GABRA3: variants seen among roughly 807,000 people sequenced by gnomAD.
GABRA3 encodes gamma-aminobutyric acid receptor subunit alpha-3.
A neutral mutation model predicts 30.1 loss-of-function variants in GABRA3; 10 were observed. The observed-to-expected ratio is 0.33, with a 90% CI of 0.20 to 0.56. The LOEUF is 0.56. Among genes scored for constraint, GABRA3 ranks in the 20% least tolerant of loss-of-function variants. The pLI is 0.89. For synonymous variants in GABRA3, 151 were observed against 146.8 expected, an observed-to-expected ratio of 1.03 and a Z score of -0.21; for missense variants, 233 against 392.0, an observed-to-expected ratio of 0.59 and a Z score of 3.42.
intron 3 of GABRA3, among the ~76,000 whole-genome samples, chrX:152,303,167 G>A (rs1163238287): frequency 8.9e-6 from 1 of 112,148 alleles, no homozygotes; most frequent in East Asian, 2.8e-4. Flanking sequence ...TCTTTCCACA[G>A]AGGCTGATTA....
intron 1 of GABRA3, among the ~76,000 whole-genome samples, chrX:152,398,055 G>A (rs930398151): frequency 9.0e-6 from 1 of 111,283 alleles, no homozygotes; most frequent in Admixed American, 9.6e-5. Flanking sequence ...TCTTCCCTCA[G>A]GATCAGACCA....
intron 4 of GABRA3, among the ~76,000 whole-genome samples, chrX:152,272,821 GT>G (rs1323004662): frequency 9.0e-6 from 1 of 111,333 alleles, no homozygotes; most frequent in Non-Finnish European, 1.9e-5. Flanking sequence ...AGATTTGATG[GT>G]TTTATAAGGG....
At chrX:152,329,638 A>G (rs975691089) in intron 3 of GABRA3, among the ~76,000 whole-genome samples, 1 of 112,169 alleles carries the variant, frequency 8.9e-6, no homozygotes, top group Non-Finnish European at 1.9e-5. Context: ...AAAACTGGCT[A>G]GCAATAAGTA....
chrX:152,282,619 A>C (rs1235757154), intron 4 of GABRA3, among the ~76,000 whole-genome samples: 1 of 111,651 alleles, frequency 9.0e-6, no homozygotes. Flanking sequence ...GCAAATTATA[A>C]CATGAAACTT....
At chrX:152,233,715 T>C (rs1378273945) in intron 5 of GABRA3, among the ~76,000 whole-genome samples, 2 of 105,701 alleles carry the variant, frequency 1.9e-5, no homozygotes, top group Non-Finnish European at 3.9e-5. Context: ...CAAAGGACTA[T>C]AAATCATGCT....
intron 1 of GABRA3, among the ~76,000 whole-genome samples, chrX:152,403,169 A>G (rs1929836221): frequency 1.8e-5 from 2 of 111,604 alleles, no homozygotes; most frequent in Non-Finnish European, 3.8e-5. Context: ...ATTTCTGGCC[A>G]ATGAATTAAG....
chrX:152,284,883 T>G, intron 3 of GABRA3, 148 bp from the exon 4 acceptor site: 3 of 333,546 alleles, frequency 9.0e-6, no homozygotes, highest in Admixed American at 4.8e-5. Context: ...GTGCTATCTC[T>G]TCACAGGGAA....
chrX:152,265,297 A>G (rs1938803955), intron 4 of GABRA3, among the ~76,000 whole-genome samples: 1 of 111,741 alleles, frequency 8.9e-6, no homozygotes, highest in African/African-American at 3.2e-5. Context: ...TATCAAGCCT[A>G]TTCTCTAACC....
chrX:152,198,479 C>G (rs1937417939), intron 7 of GABRA3, among the ~76,000 whole-genome samples: 1 of 112,466 alleles, frequency 8.9e-6, no homozygotes, highest in Admixed American at 9.4e-5. Context: ...ATCCTCCTAA[C>G]AGTTCTGTGA....
intron 2 of GABRA3, among the ~76,000 whole-genome samples, chrX:152,359,970 T>A: frequency 9.3e-6 from 1 of 107,355 alleles, no homozygotes; most frequent in Non-Finnish European, 1.9e-5. Context: ...TCCAATTTCA[T>A]CCATGTCCCT....
intron 9 of GABRA3, among the ~76,000 whole-genome samples, chrX:152,168,910 A>G (rs1343235298): frequency 8.9e-6 from 1 of 112,170 alleles, no homozygotes; most frequent in African/African-American, 3.2e-5. Context: ...AATCGCCAAT[A>G]AACTGTGGAA....
At chrX:152,261,878 C>T (rs891583682) in intron 4 of GABRA3, among the ~76,000 whole-genome samples, 2 of 112,772 alleles carry the variant, frequency 1.8e-5, no homozygotes, top group Non-Finnish European at 3.7e-5. Context: ...CCCTTCCACA[C>T]TGCCCTAGCA....
chrX:152,417,184 C>A (rs1223647109), intron 1 of GABRA3, among the ~76,000 whole-genome samples: 10 of 107,778 alleles, frequency 9.3e-5, no homozygotes, highest in South Asian at 4.2e-4. Context: ...TACAAGAAAA[C>A]AACAAACAAC....
At chrX:152,358,751 T>C (rs780973007) in intron 2 of GABRA3, among the ~76,000 whole-genome samples, 3 of 111,472 alleles carry the variant, frequency 2.7e-5, no homozygotes, top group East Asian at 5.7e-4. Flanking sequence ...CTTATACCTG[T>C]AGTCCTTCAT....
chrX:152,380,585 T>A (rs1929116907), intron 1 of GABRA3, among the ~76,000 whole-genome samples: 1 of 112,098 alleles, frequency 8.9e-6, no homozygotes, highest in Non-Finnish European at 1.9e-5. Flanking sequence ...CTCTTCAATA[T>A]ATTGATCTCC....
intron 4 of GABRA3, among the ~76,000 whole-genome samples, chrX:152,278,434 T>C (rs1455077799): frequency 1.8e-5 from 2 of 111,110 alleles, no homozygotes; most frequent in South Asian, 3.8e-4. Flanking sequence ...ACAAAGGACA[T>C]GAACTCATCA....
intron 3 of GABRA3, among the ~76,000 whole-genome samples, chrX:152,329,432 C>T (rs1262100863): frequency 8.9e-6 from 1 of 111,785 alleles, no homozygotes; most frequent in East Asian, 2.8e-4. Context: ...CATCATGCTA[C>T]CCGACTTCAA....
chrX:152,389,734 G>C (rs1030895278), intron 1 of GABRA3, among the ~76,000 whole-genome samples: 1 of 111,387 alleles, frequency 9.0e-6, no homozygotes, highest in East Asian at 2.8e-4. Context: ...AGATGATATA[G>C]AAGGAGACAA....
chrX:152,346,309 C>T (rs1480313226), intron 2 of GABRA3, among the ~76,000 whole-genome samples: 1 of 111,419 alleles, frequency 9.0e-6, no homozygotes, highest in Non-Finnish European at 1.9e-5. Context: ...AAACTAGACC[C>T]CTATCTCTTG....
Sources: gnomAD v4.1 joint callset for allele counts (sites outside exome capture counted in the v4.1 genomes callset) on GRCh38, gnomAD v4.1.1 for gene constraint, MANE v1.5 for transcripts, NCBI Gene and HGNC (gene_info 2026-07-23, HGNC 2026-07-21) for gene names.